Variants in NOL11 observed in about 807,000 individuals in gnomAD.
NOL11 encodes the protein nucleolar protein 11.
Under a neutral mutation model 93.0 loss-of-function variants are expected in NOL11, and 42 were observed. The ratio of observed to expected loss-of-function variants is 0.45; its 90% CI spans 0.35 to 0.58. The LOEUF (loss-of-function observed/expected upper bound fraction) is 0.58, where lower values mean the gene tolerates loss of function less well. NOL11 is among the 20% of genes least tolerant of loss of function. The probability of loss-of-function intolerance (pLI) is 0.00; values close to 1 mark genes in which losing one functional copy is unlikely to be tolerated. For synonymous variants in NOL11, 296 were observed against 293.7 expected (o/e 1.01, Z -0.08); for missense variants, 775 against 841.8 (o/e 0.92, Z 0.98).
Position 67,724,189 on chromosome 17 carries a change from A to G in NOL11, c.660A>G (p.Ser220=). ...SVDRKFISLM[S]LSSDGCIYET... is the part of the protein sequence containing the mutation. Reference sequence around the variant, plus strand: ...ATCGGAAATTCATCTCTTTGATGTCATTAAGTAAGTTTTCTTTCTTTAAAC... The same window carrying G: ...ATCGGAAATTCATCTCTTTGATGTCGTTAAGTAAGTTTTCTTTCTTTAAAC... The change falls in exon 6 of 18, where the codon TCA becomes TCG. Residue 220 remains serine, a synonymous_variant. Coordinates refer to ENST00000253247, the MANE Select transcript of NOL11 (RefSeq NM_015462.5). 2 of 1,548,496 alleles carry G rather than the reference A, an allele frequency of 1.3e-6. No individual in the cohort carries two copies. Among genetic ancestry groups the G allele is most frequent in the Non-Finnish European group, 1.7e-6 (2 of 1,144,282 alleles).
chr17:67,741,937 C>T (rs2055260477), intron 16 of NOL11, among the ~76,000 whole-genome samples: 1 of 152,166 alleles, frequency 6.6e-6, no homozygotes, highest in Non-Finnish European at 1.5e-5. Flanking sequence ...CCAATGCATA[C>T]TATTTCATTT....
chr17:67,740,348 G>T (rs1018500787), intron 16 of NOL11, among the ~76,000 whole-genome samples: 1 of 151,968 alleles, frequency 6.6e-6, no homozygotes, highest in Non-Finnish European at 1.5e-5. Flanking sequence ...GGTGGCTCAT[G>T]CCTGTAATCC....
chr17:67,743,096 G>C (rs2055270582), intron 16 of NOL11, among the ~76,000 whole-genome samples: 1 of 152,100 alleles, frequency 6.6e-6, no homozygotes, highest in Non-Finnish European at 1.5e-5. Flanking sequence ...CTAAAAAGTA[G>C]CTGGGTATGA....
Position 67,721,531 on chromosome 17 carries a change from G to T in NOL11, c.461+5G>T. 1 of 1,603,786 alleles carries T rather than the reference G, an allele frequency of 6.2e-7. No homozygotes were observed. Among genetic ancestry groups the T allele is most frequent in the Non-Finnish European group, 8.5e-7 (1 of 1,176,514 alleles). On this transcript the variant is annotated splice_donor_5th_base_variant and intron_variant, in intron 4 of 17. Coordinates refer to ENST00000253247, the MANE Select transcript of NOL11 (RefSeq NM_015462.5). ...CTCTGATGAAGAAGTGATTAAGTAA[G>T]TTCCAGTACTTGTAAGTAAATTTAT...
chr17:67,724,579 G>A (rs930696186), intron 6 of NOL11, among the ~76,000 whole-genome samples: 4 of 151,932 alleles, frequency 2.6e-5, no homozygotes, highest in Non-Finnish European at 5.9e-5. Context: ...TAATCCACCC[G>A]CCTTGGCCTC....
At chr17:67,724,483 A>G (rs1480746522) in intron 6 of NOL11, among the ~76,000 whole-genome samples, 1 of 151,180 alleles carries the variant, frequency 6.6e-6, no homozygotes, top group Admixed American at 6.6e-5. Context: ...ACAGGCGCCC[A>G]CCCCCACATC....
chr17:67,725,542 A>C (rs1053631984), intron 6 of NOL11, among the ~76,000 whole-genome samples: 1 of 152,198 alleles, frequency 6.6e-6, no homozygotes, highest in Non-Finnish European at 1.5e-5. Flanking sequence ...ATCTTTGTGA[A>C]GTTTTTCAGT....
At position 67,719,738 on chromosome 17, in the gene NOL11, C is replaced by T; in HGVS notation, c.206C>T (p.Ala69Val). Residue 69 changes from alanine to valine, a missense_variant, in exon 2 of 18, where the codon GCT becomes GTT. Physicochemically the swap from Ala to Val is moderately conservative, Grantham distance 64. Around this residue, in one of 2 missense-constraint regions of NOL11, gnomAD observed 359 missense variants for 316.5 expected, o/e 1.13. Coordinates refer to ENST00000253247, the MANE Select transcript of NOL11 (RefSeq NM_015462.5). ...CAAGGTCAAATTATAACATGTCCAG[C>T]TGTGTGCAACTTTCAAACTGGAGAG... Reference protein sequence around the residue: ...VKQGQIITCPAVCNFQTGEYV... With the variant: ...VKQGQIITCPVVCNFQTGEYV... 1 of 1,610,590 alleles carries T rather than the reference C, an allele frequency of 6.2e-7. No homozygotes were observed. Among genetic ancestry groups the T allele is most frequent in the East Asian group, 2.2e-5 (1 of 44,782 alleles).
At chr17:67,733,463 C>T (rs767849138) in intron 7 of NOL11, among the ~76,000 whole-genome samples, 1 of 152,130 alleles carries the variant, frequency 6.6e-6, no homozygotes, top group Admixed American at 6.5e-5. Flanking sequence ...TCTTGTTTCT[C>T]ATTTTAGGGG....
chr17:67,720,606 A>G (rs2043211391), intron 3 of NOL11, among the ~76,000 whole-genome samples: 1 of 152,100 alleles, frequency 6.6e-6, no homozygotes, highest in African/African-American at 2.4e-5. Flanking sequence ...TGGCCCATGT[A>G]TTGTACATTT....
At chr17:67,732,107 ATC>A (rs138570294) in intron 7 of NOL11, among the ~76,000 whole-genome samples, 2,532 of 152,262 alleles carry the variant, frequency 0.017, 36 homozygotes, top group Middle Eastern at 0.058. Flanking sequence ...AACACAGGAT[ATC>A]TCTATTTATT....
chr17:67,729,822 G>A (rs969927373), intron 7 of NOL11, among the ~76,000 whole-genome samples: 12 of 150,588 alleles, frequency 8.0e-5, no homozygotes, highest in South Asian at 2.1e-4. Context: ...CTCATGATCC[G>A]CCCACCTCGG....
intron 14 of NOL11, chr17:67,738,612 G>A (rs1315694084): frequency 2.1e-6 from 1 of 472,204 alleles, no homozygotes; most frequent in Non-Finnish European, 3.7e-6. Context: ...TGGGAGGATT[G>A]TCTGAGCCCA....
intron 7 of NOL11, among the ~76,000 whole-genome samples, chr17:67,729,694 T>A (rs2055133773): frequency 6.6e-6 from 1 of 151,982 alleles, no homozygotes; most frequent in Non-Finnish European, 1.5e-5. Context: ...TTCCCCTGAC[T>A]CAGCCTCCCG....
At chr17:67,733,600 T>C (rs1335696813) in intron 7 of NOL11, among the ~76,000 whole-genome samples, 1 of 152,194 alleles carries the variant, frequency 6.6e-6, no homozygotes, top group Non-Finnish European at 1.5e-5. Context: ...TCTTTCACTG[T>C]TGAGTGATGG....
Position 67,726,570 on chromosome 17 carries a change from G to A in NOL11, c.775G>A (p.Ala259Thr), listed in dbSNP as rs754927005. The part of the protein sequence containing the change: ...LLLKAVVSGN[A>T]RNGVALTALD... ...GCTCAAGGCTGTTGTATCTGGTAAC[G>A]CTCGAAATGGAGTTGCACTCACTGC... The change falls in exon 7 of 18, where the codon GCT becomes ACT. Residue 259 changes from alanine (A) to threonine (T), a missense_variant. Coordinates refer to ENST00000253247, the MANE Select transcript of NOL11 (RefSeq NM_015462.5). 3.1e-6 allele frequency: 5 copies of A among 1,614,066 alleles called. No homozygotes were observed. The Admixed American group carries it at 6.7e-5, about 22-fold the overall frequency.
Position 67,744,180 on chromosome 17 carries a change from A to G in NOL11, c.*321A>G, listed in dbSNP as rs2055280861. On this transcript the variant is annotated 3_prime_UTR_variant, in exon 18 of 18. Coordinates refer to ENST00000253247, the MANE Select transcript of NOL11 (RefSeq NM_015462.5). ...TGTGTTTTGAATTTTTTCTTTTAAT[A>G]AAAAATGACCATTGAAGCAGTGATT... is the stretch of plus-strand genomic sequence containing the variant. 2 of 156,246 alleles carry G rather than the reference A, an allele frequency of 1.3e-5. No homozygotes were observed. Among genetic ancestry groups the G allele is most frequent in the East Asian group, 1.8e-4 (1 of 5,434 alleles). The allele number at this position is 156,246 out of a possible 1,614,324, so 9.7% of individuals were successfully genotyped here.
At chr17:67,742,741 G>T (rs1276012824) in intron 16 of NOL11, among the ~76,000 whole-genome samples, 1 of 152,090 alleles carries the variant, frequency 6.6e-6, no homozygotes, top group Middle Eastern at 3.2e-3. Context: ...TTTGATATTT[G>T]CATGTTAACT....
At chr17:67,738,871 A>G (rs972809797) in intron 14 of NOL11, 61 bp from the exon 15 acceptor site, 20 of 1,029,822 alleles carry the variant, frequency 1.9e-5, no homozygotes, top group Non-Finnish European at 2.7e-5. Flanking sequence ...AAAGGAAGTT[A>G]CTCATAAGTT....
Sources: allele counts gnomAD v4.1 joint callset (sites outside exome capture counted in the v4.1 genomes callset), GRCh38; gene constraint gnomAD v4.1.1; regional missense constraint gnomAD v4.1.1; transcripts MANE v1.5; gene names NCBI Gene and HGNC (gene_info 2026-07-23, HGNC 2026-07-21).